Variants in AGBL4 observed in about 807,000 individuals in gnomAD.
The protein encoded by AGBL4 is AGBL carboxypeptidase 4.
A neutral mutation model predicts 66.4 loss-of-function variants in AGBL4; 58 were observed. The observed-to-expected ratio is 0.87, with a 90% CI of 0.71 to 1.09. The LOEUF (loss-of-function observed/expected upper bound fraction) is 1.09. AGBL4 is among the 50% of genes least tolerant of loss of function. The pLI is 0.00. For missense variants in AGBL4, 579 were observed against 631.0 expected (o/e 0.92, Z 0.88); for synonymous variants, 234 against 222.9 (o/e 1.05, Z -0.44).
intron 6 of AGBL4, among the ~76,000 whole-genome samples, chr1:48,740,963 C>T (rs1368432348): frequency 1.3e-5 from 2 of 152,166 alleles, no homozygotes; most frequent in Non-Finnish European, 2.9e-5. Context: ...AATGAAAAAA[C>T]AAAATAGGCA....
intron 4 of AGBL4, among the ~76,000 whole-genome samples, chr1:49,156,471 G>A (rs1295855119): frequency 6.6e-6 from 1 of 152,126 alleles, no homozygotes; most frequent in Non-Finnish European, 1.5e-5. Context: ...TAGCTAGATT[G>A]TTCTAGCTCA....
chr1:48,778,855 C>T (rs1645210236), intron 6 of AGBL4, among the ~76,000 whole-genome samples: 1 of 152,116 alleles, frequency 6.6e-6, no homozygotes, highest in Non-Finnish European at 1.5e-5. Flanking sequence ...CTCTCATATC[C>T]AAATGTGTAG....
At chr1:48,568,467 G>A (rs1418899932) in intron 11 of AGBL4, among the ~76,000 whole-genome samples, 2 of 152,130 alleles carry the variant, frequency 1.3e-5, no homozygotes, top group African/African-American at 2.4e-5. Flanking sequence ...AGTGGCTCCC[G>A]TGACATGCTC....
intron 6 of AGBL4, among the ~76,000 whole-genome samples, chr1:48,856,677 C>A (rs950175149): frequency 1.3e-5 from 2 of 152,154 alleles, no homozygotes; most frequent in Non-Finnish European, 2.9e-5. Context: ...CAGGATCAGT[C>A]CATCACCATC....
At chr1:48,555,440 G>A (rs1644307431) in intron 11 of AGBL4, among the ~76,000 whole-genome samples, 1 of 152,186 alleles carries the variant, frequency 6.6e-6, no homozygotes, top group African/African-American at 2.4e-5. Context: ...ACAGCATCCT[G>A]AATAAAGGCA....
intron 6 of AGBL4, among the ~76,000 whole-genome samples, chr1:48,680,567 A>T (rs1423221380): frequency 6.6e-6 from 1 of 152,246 alleles, no homozygotes; most frequent in Non-Finnish European, 1.5e-5. Flanking sequence ...CCAGGAAGTT[A>T]GAAAAACCAC....
chr1:48,967,063 T>G (rs12057940), intron 5 of AGBL4, among the ~76,000 whole-genome samples: 1 of 112,574 alleles, frequency 8.9e-6, no homozygotes, highest in Non-Finnish European at 2.0e-5. Flanking sequence ...CACACACACA[T>G]ACACAAAGAC....
chr1:48,687,350 T>C (rs1255443801), intron 6 of AGBL4, among the ~76,000 whole-genome samples: 1 of 151,974 alleles, frequency 6.6e-6, no homozygotes, highest in African/African-American at 2.4e-5. Context: ...CAGGGCTGCT[T>C]AATGGAGAGG....
intron 1 of AGBL4, among the ~76,000 whole-genome samples, chr1:49,950,969 G>A (rs576550579): frequency 1.3e-5 from 2 of 151,816 alleles, no homozygotes; most frequent in South Asian, 2.1e-4. Flanking sequence ...ATGATAAATG[G>A]AATAAGCCAG....
At chr1:49,831,477 G>A (rs1645676123) in intron 2 of AGBL4, among the ~76,000 whole-genome samples, 1 of 152,166 alleles carries the variant, frequency 6.6e-6, no homozygotes, top group Non-Finnish European at 1.5e-5. Context: ...AGACTTTGCT[G>A]AAGTTGCTTC....
At chr1:49,094,975 C>A (rs1645068465) in intron 4 of AGBL4, among the ~76,000 whole-genome samples, 1 of 152,164 alleles carries the variant, frequency 6.6e-6, no homozygotes, top group Non-Finnish European at 1.5e-5. Context: ...TGATAAGCAA[C>A]TTCAGCAAAG....
chr1:48,663,871 A>G (rs1457137435), intron 6 of AGBL4, among the ~76,000 whole-genome samples: 2 of 152,188 alleles, frequency 1.3e-5, no homozygotes, highest in Non-Finnish European at 2.9e-5. Context: ...TGGAGGTTAT[A>G]TAACTTGTTC....
At chr1:48,779,593 A>G (rs1443817684) in intron 6 of AGBL4, among the ~76,000 whole-genome samples, 1 of 152,222 alleles carries the variant, frequency 6.6e-6, no homozygotes, top group Non-Finnish European at 1.5e-5. Context: ...CCAGGTACCT[A>G]GCACAGGGCT....
rs1217356566 is a variant in AGBL4 at position 49,183,449 on chromosome 1, G to T, written c.377+62321C>A. ...TAAATGTGCCTTGCTCATACCAAGG[G>T]TCTTGGAATTGCCTCCTAACTGTTC... On this transcript the variant is annotated intron_variant, in intron 4 of 13. Coordinates refer to ENST00000371839, the MANE Select transcript of AGBL4 (RefSeq NM_032785.4). Among the ~76,000 whole-genome samples, 6 of 152,072 alleles carry T rather than the reference G, an allele frequency of 3.9e-5. No individual in the cohort carries two copies. The East Asian group carries it at 9.7e-4, about 25-fold the overall frequency.
chr1:48,559,648 C>G (rs1644367845), intron 11 of AGBL4, among the ~76,000 whole-genome samples: 1 of 152,170 alleles, frequency 6.6e-6, no homozygotes, highest in Non-Finnish European at 1.5e-5. Flanking sequence ...CTTTTTCCCT[C>G]CACTGTGGCT....
chr1:48,772,625 T>C (rs1043514341), intron 6 of AGBL4, among the ~76,000 whole-genome samples: 7 of 152,072 alleles, frequency 4.6e-5, no homozygotes, highest in Non-Finnish European at 4.4e-5. Context: ...AACTAAAACT[T>C]TTTTCAGTAG....
At position 49,819,964 on chromosome 1, in the gene AGBL4, C is replaced by T. The variant is rs565151163; in HGVS notation, c.157+31432G>A. Among the ~76,000 whole-genome samples the T allele has an allele frequency of 1.1e-4, 16 of 152,234 alleles. No homozygotes were observed. The South Asian group carries it at 2.5e-3, about 24-fold the overall frequency. ...CCTGGCAATCCTCAGTAATAAATGG[C>T]TTCGCAGGGTACCTACAGAGGAAGA... On this transcript the variant is annotated intron_variant, in intron 2 of 13. Coordinates refer to ENST00000371839, the MANE Select transcript of AGBL4 (RefSeq NM_032785.4).
At chr1:49,516,441 G>C (rs1490156589) in intron 3 of AGBL4, among the ~76,000 whole-genome samples, 1 of 152,060 alleles carries the variant, frequency 6.6e-6, no homozygotes, top group East Asian at 1.9e-4. Context: ...CCCACAGAAA[G>C]AGAACAATTT....
intron 3 of AGBL4, among the ~76,000 whole-genome samples, chr1:49,560,986 G>A (rs1347222378): frequency 1.3e-5 from 2 of 152,070 alleles, no homozygotes; most frequent in African/African-American, 2.4e-5. Context: ...AGAAAAAGAT[G>A]CCAGTGAGAA....
Sources: allele counts gnomAD v4.1 joint callset (sites outside exome capture counted in the v4.1 genomes callset), GRCh38; gene constraint gnomAD v4.1.1; transcripts MANE v1.5; gene names NCBI Gene and HGNC (gene_info 2026-07-23, HGNC 2026-07-21).